NEIL3: variants seen among roughly 807,000 people sequenced by gnomAD.
NEIL3 encodes the protein nei like DNA glycosylase 3.
A neutral mutation model predicts 57.5 loss-of-function variants in NEIL3; 48 were observed. The ratio of observed to expected loss-of-function variants is 0.83; its 90% CI spans 0.66 to 1.06. NEIL3 has a LOEUF of 1.06. Among genes scored for constraint, NEIL3 ranks in the 50% least tolerant of loss-of-function variants. NEIL3 has a pLI of 0.00. For synonymous variants in NEIL3, 261 were observed against 253.2 expected, an observed-to-expected ratio of 1.03 and a Z score of -0.29; for missense variants, 717 against 739.1, an observed-to-expected ratio of 0.97 and a Z score of 0.35.
the NEIL3 span, among the ~76,000 whole-genome samples, chr4:177,368,503 T>A: frequency 6.6e-6 from 1 of 152,222 alleles, no homozygotes; most frequent in Non-Finnish European, 1.5e-5. Context: ...CGCATCATGT[T>A]GTATTTGTCC....
chr4:177,335,650 A>G, intron 2 of NEIL3, 38 bp from the exon 3 acceptor site: 3 of 1,593,922 alleles, frequency 1.9e-6, no homozygotes, highest in South Asian at 1.1e-5. Flanking sequence ...TAAATGATAT[A>G]CTTTCTGCCA....
At chr4:177,339,879 T>A in intron 5 of NEIL3, 22 bp downstream of exon 5, 3 of 1,526,232 alleles carry the variant, frequency 2.0e-6, no homozygotes, top group Admixed American at 1.7e-5. Flanking sequence ...ATTTTTCAAC[T>A]GTGTAAAATG....
chr4:177,322,388 G>A lies in NEIL3; in HGVS notation c.157-71G>A, dbSNP rs1578988888. 76 of 1,594,044 alleles carry A rather than the reference G, an allele frequency of 4.8e-5. 1 individual carries two copies. The South Asian group carries it at 8.5e-4, about 18-fold the overall frequency. ...CGTGAAGTAATATAAACACATTTAA[G>A]AATTAAATAATGCTTTTGCTTAGAG... On this transcript the variant is annotated intron_variant, in intron 1 of 9. Transcript: ENST00000264596.
Position 177,336,723 on chromosome 4 carries a change from C to A in NEIL3, c.627+402C>A, listed in dbSNP as rs35302647. 7.7e-3 allele frequency among the ~76,000 whole-genome samples: 1,173 copies of A among 152,080 alleles called. 13 individuals carry two copies. Among genetic ancestry groups the A allele is most frequent in the African/African-American group, 0.026 (1,092 of 41,540 alleles). ...AGTATCCCAACATCTAGAACGTGAC[C>A]TGTGGTGTATGGTAGGCATTAGATA... On this transcript the variant is annotated intron_variant, in intron 4 of 9. Coordinates refer to ENST00000264596, the MANE Select transcript of NEIL3 (RefSeq NM_018248.3).
At chr4:177,358,902 T>G (rs1735544765) in intron 8 of NEIL3, among the ~76,000 whole-genome samples, 1 of 152,220 alleles carries the variant, frequency 6.6e-6, no homozygotes, top group Non-Finnish European at 1.5e-5. Context: ...TTAATAAGAA[T>G]GCATCATTTC....
downstream of NEIL3, among the ~76,000 whole-genome samples, chr4:177,364,826 G>T (rs1735671643): frequency 6.6e-6 from 1 of 151,942 alleles, no homozygotes; most frequent in African/African-American, 2.4e-5. Flanking sequence ...TACTGTGGAG[G>T]CTGAGGCAGT....
chr4:177,348,093 A>G (rs1451010274), intron 6 of NEIL3, among the ~76,000 whole-genome samples: 1 of 152,176 alleles, frequency 6.6e-6, no homozygotes, highest in Non-Finnish European at 1.5e-5. Flanking sequence ...TCTGTAAGGA[A>G]ACCCTAAGAG....
intron 8 of NEIL3, 93 bp downstream of exon 8, chr4:177,353,821 A>G (rs1266110448): frequency 3.6e-6 from 4 of 1,112,534 alleles, no homozygotes; most frequent in Non-Finnish European, 5.2e-6. Flanking sequence ...GCTACAGTGC[A>G]GTGGTGTGAT....
chr4:177,314,162 G>GGATA (rs1734526960), intron 1 of NEIL3, among the ~76,000 whole-genome samples: 1 of 151,984 alleles, frequency 6.6e-6, no homozygotes, highest in African/African-American at 2.4e-5. Flanking sequence ...CTTCTTAAAT[G>GGATA]GATACTAATA....
downstream of NEIL3, among the ~76,000 whole-genome samples, chr4:177,364,057 T>C (rs1735659979): frequency 6.6e-6 from 1 of 152,234 alleles, no homozygotes; most frequent in African/African-American, 2.4e-5. Flanking sequence ...GAAGAAACTT[T>C]CATCTGAGAG....
intron 2 of NEIL3, among the ~76,000 whole-genome samples, chr4:177,333,869 C>T (rs1734927093): frequency 6.7e-6 from 1 of 150,286 alleles, no homozygotes; most frequent in African/African-American, 2.5e-5. Context: ...GTATCAAAGG[C>T]ACAGGATCTG....
chr4:177,370,437 A>T, the NEIL3 span, among the ~76,000 whole-genome samples: 69 of 152,342 alleles, frequency 4.5e-4, 1 homozygote, highest in East Asian at 0.013. Context: ...AAGTAGTTCC[A>T]GAGTCACATT....
the NEIL3 span, among the ~76,000 whole-genome samples, chr4:177,367,963 A>G: frequency 2.4e-3 from 364 of 152,190 alleles, no homozygotes; most frequent in African/African-American, 8.3e-3. Context: ...GGAGACTTGG[A>G]CTTCTGTAGG....
chr4:177,348,978 C>T (rs1212309858), intron 6 of NEIL3, among the ~76,000 whole-genome samples: 2 of 146,970 alleles, frequency 1.4e-5, no homozygotes, highest in Non-Finnish European at 3.0e-5. Context: ...CGCCATTCTC[C>T]TGCCTCAGCC....
Position 177,335,832 on chromosome 4 carries a change from A to T in NEIL3, c.413+10A>T. The T allele has an allele frequency of 6.6e-7, 1 of 1,526,554 alleles. No homozygotes were observed. Among genetic ancestry groups the T allele is most frequent in the Non-Finnish European group, 8.8e-7 (1 of 1,142,408 alleles). The allele number at this position is 1,526,554 out of a possible 1,614,324, so 94.6% of individuals were successfully genotyped here. On this transcript the variant is annotated intron_variant, in intron 3 of 9. Transcript: ENST00000264596. ...CATCAGTAGAACTCAGGTAAAAAAA[A>T]TTAAATAAAAGTACTTACGCTGCAA...
intron 7 of NEIL3, among the ~76,000 whole-genome samples, chr4:177,352,433 TA>T (rs1273702084): frequency 6.6e-6 from 1 of 152,236 alleles, no homozygotes; most frequent in Non-Finnish European, 1.5e-5. Context: ...ATTTTCTTGT[TA>T]ATGTTTCTGA....
Position 177,353,641 on chromosome 4 carries a change from A to C in NEIL3, c.1373A>C (p.Lys458Thr). ...NISPTISSES[K>T]LFSPAHKKPK... ...TCACCTACAATCAGTTCAGAATCTA[A>C]ATTATTTAGTCCAGCACATAAAAAA... Residue 458 changes from lysine to threonine, a missense_variant, in exon 8 of 10, where the codon AAA (lysine) becomes ACA (threonine). Coordinates refer to ENST00000264596, the MANE Select transcript of NEIL3 (RefSeq NM_018248.3). The C allele has an allele frequency of 6.2e-7, 1 of 1,613,814 alleles. No individual in the cohort carries two copies. Among genetic ancestry groups the C allele is most frequent in the Non-Finnish European group, 8.5e-7 (1 of 1,179,732 alleles).
chr4:177,347,160 G>A (rs1402827007), intron 6 of NEIL3, among the ~76,000 whole-genome samples: 2 of 152,144 alleles, frequency 1.3e-5, no homozygotes. Context: ...ATAAGTCCGT[G>A]GGGAGGACTT....
At chr4:177,321,515 G>A (rs1472955671) in intron 1 of NEIL3, among the ~76,000 whole-genome samples, 2 of 151,764 alleles carry the variant, frequency 1.3e-5, no homozygotes, top group South Asian at 2.1e-4. Flanking sequence ...TAAGAAAAAG[G>A]GCATTACTAA....
Sources: allele counts gnomAD v4.1 joint callset (sites outside exome capture counted in the v4.1 genomes callset), GRCh38; gene constraint gnomAD v4.1.1; transcripts MANE v1.5; gene names NCBI Gene and HGNC (gene_info 2026-07-23, HGNC 2026-07-21).